Variants in PLXDC2 observed in about 807,000 individuals in gnomAD.
The protein encoded by PLXDC2 is plexin domain containing 2.
A neutral mutation model predicts 68.9 loss-of-function variants in PLXDC2; 40 were observed. The ratio of observed to expected loss-of-function variants is 0.58; its 90% CI spans 0.45 to 0.76. The LOEUF (loss-of-function observed/expected upper bound fraction) is 0.76, where lower values mean the gene tolerates loss of function less well. Ranked by LOEUF, PLXDC2 falls within the 30% of genes least tolerant of loss-of-function variation. The probability of loss-of-function intolerance (pLI) is 0.00; values close to 1 mark genes in which losing one functional copy is unlikely to be tolerated. For synonymous variants in PLXDC2, 243 were observed against 234.2 expected (o/e 1.04, Z -0.34); for missense variants, 644 against 661.9 (o/e 0.97, Z 0.30).
chr10:20,255,187 GGATGGATAGATAGATAGATA>G (rs1226795364), intron 13 of PLXDC2, among the ~76,000 whole-genome samples: 47 of 69,976 alleles, frequency 6.7e-4, no homozygotes, highest in South Asian at 2.2e-3. Context: ...GTGGATAGGT[GGATGGATAGATAGATAGATA>G]GATAGATAGA....
At chr10:19,933,476 A>G (rs1233618137) in intron 1 of PLXDC2, among the ~76,000 whole-genome samples, 1 of 151,976 alleles carries the variant, frequency 6.6e-6, no homozygotes, top group Non-Finnish European at 1.5e-5. Context: ...TCTCGTAAAA[A>G]TACAAAAATT....
chr10:20,095,496 A>G (rs1184252555), intron 4 of PLXDC2, among the ~76,000 whole-genome samples: 1 of 152,210 alleles, frequency 6.6e-6, no homozygotes, highest in Non-Finnish European at 1.5e-5. Flanking sequence ...GAATAGCCTG[A>G]CAGGGGAGAG....
Position 20,097,912 on chromosome 10 carries a change from T to C in PLXDC2, c.541+29673T>C, listed in dbSNP as rs12221008. On this transcript the variant is annotated intron_variant, in intron 4 of 13. Transcript: ENST00000377252. ...TATAGTATTAAGTTATATATATTTA[T>C]ATAGCATTATATTATTTATAGTATT... 2.7e-5 allele frequency among the ~76,000 whole-genome samples: 4 copies of C among 148,576 alleles called. No homozygotes were observed. In the East Asian group the frequency reaches 5.8e-4, roughly 22 times the overall value.
intron 1 of PLXDC2, among the ~76,000 whole-genome samples, chr10:19,967,187 A>G (rs1368283602): frequency 6.6e-6 from 1 of 152,222 alleles, no homozygotes; most frequent in East Asian, 1.9e-4. Flanking sequence ...GCATCAATCT[A>G]AATTTTTGGG....
chr10:19,888,100 T>G (rs534897535), intron 1 of PLXDC2, among the ~76,000 whole-genome samples: 6 of 152,376 alleles, frequency 3.9e-5, no homozygotes, highest in Non-Finnish European at 5.9e-5. Flanking sequence ...GAATTTGCTA[T>G]AATTAAAGCA....
chr10:20,163,005 C>G (rs1044305677), intron 6 of PLXDC2, among the ~76,000 whole-genome samples: 1 of 151,570 alleles, frequency 6.6e-6, no homozygotes, highest in Non-Finnish European at 1.5e-5. Flanking sequence ...AGCTTCAACC[C>G]GGGAGGCGGA....
chr10:20,159,572 C>A (rs1834263750), intron 6 of PLXDC2, among the ~76,000 whole-genome samples: 1 of 152,090 alleles, frequency 6.6e-6, no homozygotes, highest in African/African-American at 2.4e-5. Context: ...GATATTTTTC[C>A]AAAATAAAGG....
intron 13 of PLXDC2, among the ~76,000 whole-genome samples, chr10:20,249,558 C>G (rs1835643910): frequency 6.6e-6 from 1 of 152,164 alleles, no homozygotes; most frequent in African/African-American, 2.4e-5. Context: ...ACCGTCACAT[C>G]TCCTACCACT....
At chr10:20,190,895 A>G (rs547252137) in intron 9 of PLXDC2, among the ~76,000 whole-genome samples, 1 of 152,042 alleles carries the variant, frequency 6.6e-6, no homozygotes, top group South Asian at 2.1e-4. Context: ...AAATCGAAAT[A>G]TGACTATTTT....
intron 2 of PLXDC2, among the ~76,000 whole-genome samples, chr10:20,007,771 T>C (rs1835050403): frequency 6.6e-6 from 1 of 152,224 alleles, no homozygotes; most frequent in Non-Finnish European, 1.5e-5. Flanking sequence ...TAGTTGTGGG[T>C]AGGCCATAGG....
intron 2 of PLXDC2, among the ~76,000 whole-genome samples, chr10:20,011,441 A>G (rs1163769314): frequency 6.6e-6 from 1 of 152,226 alleles, no homozygotes; most frequent in Non-Finnish European, 1.5e-5. Context: ...AACTGCCAGC[A>G]GTTTAGCAAA....
At chr10:19,948,923 C>T (rs866146269) in intron 1 of PLXDC2, among the ~76,000 whole-genome samples, 1 of 151,634 alleles carries the variant, frequency 6.6e-6, no homozygotes, top group Non-Finnish European at 1.5e-5. Context: ...CGAGGTCAAG[C>T]GATCGAGATC....
intron 4 of PLXDC2, among the ~76,000 whole-genome samples, chr10:20,131,193 G>GT (rs1243100981): frequency 2.1e-5 from 3 of 144,494 alleles, no homozygotes; most frequent in African/African-American, 5.1e-5. Flanking sequence ...TTTCTATTCT[G>GT]TTTTTTGTTC....
chr10:20,003,474 C>A (rs571682584), intron 2 of PLXDC2, among the ~76,000 whole-genome samples: 1 of 152,282 alleles, frequency 6.6e-6, no homozygotes, highest in South Asian at 2.1e-4. Flanking sequence ...GCTCTATCAT[C>A]CAGGCTGGAG....
At chr10:20,263,362 A>T (rs7896368) in intron 13 of PLXDC2, among the ~76,000 whole-genome samples, 13,779 of 152,238 alleles carry the variant, frequency 0.091, 707 homozygotes, top group South Asian at 0.13. Flanking sequence ...TCTACTCAAG[A>T]TGGAGTAAAG....
At chr10:20,255,995 T>G (rs1835737233) in intron 13 of PLXDC2, among the ~76,000 whole-genome samples, 1 of 152,134 alleles carries the variant, frequency 6.6e-6, no homozygotes, top group Non-Finnish European at 1.5e-5. Context: ...TTATTCTATG[T>G]CTATACTTTC....
chr10:19,867,853 ACCC>A (rs1335650490), intron 1 of PLXDC2, among the ~76,000 whole-genome samples: 1 of 152,154 alleles, frequency 6.6e-6, no homozygotes, highest in African/African-American at 2.4e-5. Context: ...GTATAAATGT[ACCC>A]TTGAAAAATC....
intron 1 of PLXDC2, among the ~76,000 whole-genome samples, chr10:19,962,406 T>TTC (rs1304901098): frequency 7.5e-6 from 1 of 133,278 alleles, no homozygotes; most frequent in Non-Finnish European, 1.6e-5. Flanking sequence ...TTTTTTTTTT[T>TTC]TTGAGATGGA....
rs924530368 is a variant in PLXDC2 at position 20,289,830 on chromosome 10, G to A, written c.*10011G>A. Reference sequence around the variant, plus strand: ...GTACTGATTAAACTTTGATATTGTGGAGTAAATTCAGAAGTGCAATTTTAA... The same window carrying A: ...GTACTGATTAAACTTTGATATTGTGAAGTAAATTCAGAAGTGCAATTTTAA... On this transcript the variant is annotated 3_prime_UTR_variant, in exon 14 of 14. Coordinates refer to ENST00000377252, the MANE Select transcript of PLXDC2 (RefSeq NM_032812.9). 7 of 152,116 alleles carry A rather than the reference G, an allele frequency of 4.6e-5. No individual in the cohort carries two copies. Among genetic ancestry groups the A allele is most frequent in the African/African-American group, 7.2e-5 (3 of 41,412 alleles). The allele number at this position is 152,116 out of a possible 1,614,324, so 9.4% of individuals were successfully genotyped here.
Sources: allele counts gnomAD v4.1 joint callset (sites outside exome capture counted in the v4.1 genomes callset), GRCh38; gene constraint gnomAD v4.1.1; transcripts MANE v1.5; gene names NCBI Gene and HGNC (gene_info 2026-07-23, HGNC 2026-07-21).